Variants in DSC3 observed in about 807,000 individuals in gnomAD.
DSC3 encodes desmocollin 3.
A neutral mutation model predicts 89.5 loss-of-function variants in DSC3; 97 were observed. That is an observed-to-expected ratio of 1.08 (90% CI 0.92 to 1.28). DSC3 has a LOEUF of 1.28. Among genes scored for constraint, DSC3 ranks in the 50% most tolerant of loss-of-function variants. The probability of loss-of-function intolerance (pLI) is 0.00; values close to 1 mark genes in which losing one functional copy is unlikely to be tolerated. For synonymous variants in DSC3, 436 were observed against 384.1 expected, an observed-to-expected ratio of 1.14 and a Z score of -1.58; for missense variants, 1,199 against 1,085.3, an observed-to-expected ratio of 1.10 and a Z score of -1.47.
At chr18:31,025,370 G>A (rs1361721127) in intron 5 of DSC3, among the ~76,000 whole-genome samples, 1 of 152,052 alleles carries the variant, frequency 6.6e-6, no homozygotes, top group Non-Finnish European at 1.5e-5. Flanking sequence ...GACAAAAATG[G>A]AAGTAAGAAC....
chr18:31,041,475 G>A (rs1319430955), intron 1 of DSC3, among the ~76,000 whole-genome samples: 3 of 152,132 alleles, frequency 2.0e-5, no homozygotes, highest in African/African-American at 7.2e-5. Flanking sequence ...GACAACCCTT[G>A]GACCCACTCC....
chr18:31,033,562 G>A (rs1459543437), intron 1 of DSC3, among the ~76,000 whole-genome samples: 1 of 152,064 alleles, frequency 6.6e-6, no homozygotes, highest in Admixed American at 6.6e-5. Flanking sequence ...AAGTGAATTT[G>A]AACGCCTACC....
At chr18:31,040,991 C>A (rs1986110932) in intron 1 of DSC3, among the ~76,000 whole-genome samples, 1 of 132,294 alleles carries the variant, frequency 7.6e-6, no homozygotes. Context: ...CTAAACTCAA[C>A]GGAATTATTT....
chr18:31,038,893 T>G (rs1986050552), intron 1 of DSC3, among the ~76,000 whole-genome samples: 1 of 152,060 alleles, frequency 6.6e-6, no homozygotes, highest in Non-Finnish European at 1.5e-5. Context: ...ATACAACTTT[T>G]GAAAGGGATA....
chr18:30,996,309 T>A (rs1984463706), intron 15 of DSC3, among the ~76,000 whole-genome samples: 1 of 152,170 alleles, frequency 6.6e-6, no homozygotes, highest in African/African-American at 2.4e-5. Context: ...AATCATAATA[T>A]CACTTTGTGC....
chr18:31,035,864 A>G (rs923174617), intron 1 of DSC3, among the ~76,000 whole-genome samples: 17 of 152,110 alleles, frequency 1.1e-4, no homozygotes, highest in African/African-American at 4.8e-5. Flanking sequence ...GTAGGATTTT[A>G]TACTTTCATT....
Position 30,993,595 on chromosome 18 carries a change from C to G in DSC3, c.*580G>C, listed in dbSNP as rs902898506. 6.5e-6 allele frequency: 1 copy of G among 152,830 alleles called. No homozygotes were observed. Among genetic ancestry groups the G allele is most frequent in the South Asian group, 2.1e-4 (1 of 4,866 alleles). 9.5% of individuals were successfully genotyped at this position (152,830 alleles called of 1,614,324 possible). A position where few individuals can be genotyped will look rare whatever the true frequency, so the allele number is the denominator to read the frequency against. On this transcript the variant is annotated 3_prime_UTR_variant, in exon 16 of 16. Coordinates refer to ENST00000360428, the MANE Select transcript of DSC3 (RefSeq NM_001941.5). ...TTGCATTGATTAATAATAATATACA[C>G]ACACACATTTATTTCCAACTATATT...
intron 9 of DSC3, 93 bp downstream of exon 9, chr18:31,017,978 T>G: frequency 9.3e-7 from 1 of 1,073,330 alleles, no homozygotes; most frequent in Non-Finnish European, 1.4e-6. Context: ...TTCCAACTTG[T>G]AGAGTCTATG....
chr18:31,026,059 A>G, intron 4 of DSC3, 144 bp from the exon 5 acceptor site: 1 of 845,936 alleles, frequency 1.2e-6, no homozygotes, highest in Non-Finnish European at 1.8e-6. Flanking sequence ...CATTGTTGGC[A>G]AGAGTAAGGC....
Position 31,001,623 on chromosome 18 carries a change from T to C in DSC3, c.2230A>G (p.Arg744Gly). The C allele has an allele frequency of 6.2e-7, 1 of 1,609,706 alleles. No homozygotes were observed. Among genetic ancestry groups the C allele is most frequent in the Non-Finnish European group, 8.5e-7 (1 of 1,177,270 alleles). The change falls in exon 14 of 16, where the codon AGA becomes GGA. Residue 744 changes from arginine to glycine, a missense_variant. Transcript: ENST00000360428. ...TTTATTTAAAAATTACTTACCACTC[T>C]ATCGTCTCCAGGTGCTTCTGTGTTT... ...ISNTEAPGDDRVCSANGFMTQ... is the reference protein window; with the variant it reads ...ISNTEAPGDDGVCSANGFMTQ...
chr18:30,997,120 G>C, intron 14 of DSC3, 72 bp from the exon 15 acceptor site: 1 of 1,557,824 alleles, frequency 6.4e-7, no homozygotes, highest in African/African-American at 1.4e-5. Context: ...AGGCAAAGGA[G>C]AGAGAATATT....
intron 11 of DSC3, 130 bp downstream of exon 11, chr18:31,007,886 G>A: frequency 2.3e-6 from 2 of 863,196 alleles, no homozygotes; most frequent in Non-Finnish European, 1.8e-6. Flanking sequence ...AATTAAGAGA[G>A]ACAGAAAGAG....
chr18:31,004,432 T>G, intron 12 of DSC3, 66 bp from the exon 13 acceptor site: 1 of 1,462,384 alleles, frequency 6.8e-7, no homozygotes, highest in Non-Finnish European at 9.4e-7. Context: ...ATTTGTTTCA[T>G]CACGCTTGTT....
chr18:31,002,192 T>G (rs552015056), intron 13 of DSC3, among the ~76,000 whole-genome samples: 1 of 152,318 alleles, frequency 6.6e-6, no homozygotes, highest in African/African-American at 2.4e-5. Context: ...ATCTTGCCTA[T>G]TAAGAATTCT....
At chr18:31,033,971 C>T (rs1009465480) in intron 1 of DSC3, among the ~76,000 whole-genome samples, 3 of 152,070 alleles carry the variant, frequency 2.0e-5, no homozygotes, top group East Asian at 3.9e-4. Flanking sequence ...CTACAGGTGC[C>T]CGCTACCACG....
At chr18:31,032,589 T>TGTGTGC (rs761698669) in intron 1 of DSC3, among the ~76,000 whole-genome samples, 54 of 112,670 alleles carry the variant, frequency 4.8e-4, no homozygotes, top group African/African-American at 1.9e-3. Flanking sequence ...TGTGTGTGTG[T>TGTGTGC]GCGTGTGCGT....
Position 30,994,270 on chromosome 18 carries a change from A to C in DSC3, c.2596T>G (p.Cys866Gly). The C allele has an allele frequency of 6.2e-7, 1 of 1,614,136 alleles. No individual in the cohort carries two copies. The highest frequency in any genetic ancestry group is 8.5e-7 in the Non-Finnish European group (1 of 1,180,004). ...GRGSPAGSVG[C>G]CSEKQEEDGL... is the part of the protein sequence containing the mutation. ...TCTTCTTCCTGCTTTTCACTGCAGC[A>C]GCCCACAGAACCAGCTGGAGATCCT... is the stretch of plus-strand genomic sequence containing the variant. The change falls in exon 16 of 16, where the codon TGC (cysteine) becomes GGC (glycine). Residue 866 changes from cysteine (C) to glycine (G), a missense_variant. Coordinates refer to ENST00000360428, the MANE Select transcript of DSC3 (RefSeq NM_001941.5).
chr18:31,029,575 T>A lies in DSC3; in HGVS notation c.408A>T (p.Arg136Ser). The A allele has an allele frequency of 1.2e-6, 2 of 1,613,858 alleles. No individual in the cohort carries two copies. Among genetic ancestry groups the A allele is most frequent in the Non-Finnish European group, 1.7e-6 (2 of 1,179,724 alleles). Residue 136 changes from arginine to serine, a missense_variant, in exon 4 of 16, where the codon AGA (arginine) becomes AGT (serine). Arg to Ser is a moderately radical substitution (Grantham distance 110). Transcript: ENST00000360428. The stretch of plus-strand genomic sequence containing the variant: ...GCATAGAGCAAGGAATAGGTGCCCA[T>A]CTCCTCTTGGCACGCCTGAGAACAG... ...RETVLRRAKRRWAPIPCSMQE... is the reference protein window; with the variant it reads ...RETVLRRAKRSWAPIPCSMQE...
chr18:30,995,564 A>C (rs1984425213), intron 15 of DSC3, among the ~76,000 whole-genome samples: 1 of 152,190 alleles, frequency 6.6e-6, no homozygotes, highest in African/African-American at 2.4e-5. Flanking sequence ...CTAGCTGCAC[A>C]TTTGAATCAT....
Sources: allele counts gnomAD v4.1 joint callset (sites outside exome capture counted in the v4.1 genomes callset), GRCh38; gene constraint gnomAD v4.1.1; transcripts MANE v1.5; gene names NCBI Gene and HGNC (gene_info 2026-07-23, HGNC 2026-07-21).